The following PLCE1 variants were observed in gnomAD, a reference collection of about 807,000 sequenced individuals.
PLCE1 encodes the protein 1-phosphatidylinositol 4,5-bisphosphate phosphodiesterase epsilon-1.
Under a neutral mutation model 242.8 loss-of-function variants are expected in PLCE1, and 119 were observed. The ratio of observed to expected loss-of-function variants is 0.49; its 90% CI spans 0.42 to 0.57. The LOEUF (loss-of-function observed/expected upper bound fraction) is 0.57. Among genes scored for constraint, PLCE1 ranks in the 20% least tolerant of loss-of-function variants. PLCE1 has a pLI of 0.00. For synonymous variants in PLCE1, 945 were observed against 1,017.4 expected (o/e 0.93, Z 1.35); for missense variants, 2,441 against 2,788.8 (o/e 0.88, Z 2.81).
In PLCE1 at chr10:94,304,560, G is replaced by A; in HGVS notation, c.5537G>A (p.Trp1846Ter). The A allele has an allele frequency of 6.2e-7, 1 of 1,613,470 alleles. No individual in the cohort carries two copies. The highest frequency in any genetic ancestry group is 8.5e-7 in the Non-Finnish European group (1 of 1,179,456). Residue 1846 changes from tryptophan (W) to a stop codon, truncating the protein, a stop_gained, in exon 25 of 33, where the codon TGG (tryptophan) becomes TAG (stop). Coordinates refer to ENST00000371380, the MANE Select transcript of PLCE1 (RefSeq NM_016341.4). LOFTEE classifies it high-confidence loss of function. The part of the protein sequence containing the change: ...CGYVLKPPVL[W>*]DKNCPMYQKF... Reference sequence around the variant, plus strand: ...TATGTATTGAAACCTCCAGTTCTGTGGGACAAGAACTGCCCCATGTATCAG... The same window carrying A: ...TATGTATTGAAACCTCCAGTTCTGTAGGACAAGAACTGCCCCATGTATCAG...
intron 2 of PLCE1, among the ~76,000 whole-genome samples, chr10:94,064,875 C>A (rs2044156389): frequency 6.6e-6 from 1 of 152,072 alleles, no homozygotes; most frequent in Non-Finnish European, 1.5e-5. Flanking sequence ...CCTGGCAGAG[C>A]CCTGAGCAAT....
At chr10:94,293,352 A>G (rs575472193) in intron 22 of PLCE1, among the ~76,000 whole-genome samples, 156 bp from the exon 23 acceptor site, 1 of 152,316 alleles carries the variant, frequency 6.6e-6, no homozygotes, top group South Asian at 2.1e-4. Context: ...ATTGCCTACA[A>G]TGCTATTATT....
chr10:94,126,345 T>C (rs2046435858), intron 2 of PLCE1, among the ~76,000 whole-genome samples: 1 of 152,212 alleles, frequency 6.6e-6, no homozygotes, highest in Admixed American at 6.5e-5. Context: ...ATAACAACTT[T>C]GACTCCTTTC....
chr10:94,246,163 T>C lies in PLCE1; in HGVS notation c.2638T>C (p.Cys880Arg), dbSNP rs1346951131. The C allele has an allele frequency of 5.6e-6, 9 of 1,614,004 alleles. No individual in the cohort carries two copies. Among genetic ancestry groups the C allele is most frequent in the Non-Finnish European group, 6.8e-6 (8 of 1,180,014 alleles). The change falls in exon 8 of 33, where the codon TGC becomes CGC. Residue 880 changes from cysteine (C) to arginine (R), a missense_variant. Transcript: ENST00000371380. Reference sequence around the variant, plus strand: ...CCAGGACACACACCTCTCTGCCCGCTGCTTCCTCCAGCTTCAGCCCGACAA... The same window carrying C: ...CCAGGACACACACCTCTCTGCCCGCCGCTTCCTCCAGCTTCAGCCCGACAA... Reference protein sequence around the residue: ...YDQDTHLSARCFLQLQPDNST... With the variant: ...YDQDTHLSARRFLQLQPDNST...
chr10:94,101,830 T>A (rs1266412852), intron 2 of PLCE1, among the ~76,000 whole-genome samples: 1 of 152,174 alleles, frequency 6.6e-6, no homozygotes, highest in African/African-American at 2.4e-5. Flanking sequence ...TTTGTAGAGC[T>A]GAGTGAATGC....
At chr10:94,092,004 T>C (rs1331420149) in intron 2 of PLCE1, among the ~76,000 whole-genome samples, 2 of 152,158 alleles carry the variant, frequency 1.3e-5, no homozygotes, top group Non-Finnish European at 2.9e-5. Flanking sequence ...CCATAGAAGG[T>C]ACAGGGAGGT....
At chr10:94,099,441 C>T (rs913144067) in intron 2 of PLCE1, among the ~76,000 whole-genome samples, 2 of 152,202 alleles carry the variant, frequency 1.3e-5, no homozygotes, top group African/African-American at 4.8e-5. Flanking sequence ...AGTTTGCATA[C>T]ATTTACCTAC....
intron 1 of PLCE1, among the ~76,000 whole-genome samples, chr10:94,013,650 G>A (rs1415450234): frequency 6.6e-6 from 1 of 152,188 alleles, no homozygotes; most frequent in Admixed American, 6.5e-5. Flanking sequence ...GGAAATTCTA[G>A]TTCTAGTCTG....
intron 2 of PLCE1, chr10:94,108,993 G>A (rs1235809181): frequency 1.2e-4 from 19 of 152,136 alleles, no homozygotes. Flanking sequence ...TCAATGACTT[G>A]TCCTAAGGTG....
At chr10:94,324,792 GCT>G in intron 31 of PLCE1, 98 bp from the exon 32 acceptor site, 1 of 1,250,344 alleles carries the variant, frequency 8.0e-7, no homozygotes, top group Non-Finnish European at 1.2e-6. Context: ...TCTCTCCAAA[GCT>G]CTAGAGAGAA....
At chr10:94,148,749 A>G (rs1305504124) in intron 3 of PLCE1, among the ~76,000 whole-genome samples, 1 of 152,220 alleles carries the variant, frequency 6.6e-6, no homozygotes, top group Non-Finnish European at 1.5e-5. Context: ...GGCTATACAG[A>G]CACACAGAAA....
At chr10:94,165,433 C>T (rs1216750299) in intron 3 of PLCE1, among the ~76,000 whole-genome samples, 1 of 152,160 alleles carries the variant, frequency 6.6e-6, no homozygotes, top group Non-Finnish European at 1.5e-5. Flanking sequence ...CCGAGCCAGG[C>T]GTGGGATACA....
At chr10:93,996,420 A>C (rs916670813) in intron 1 of PLCE1, among the ~76,000 whole-genome samples, 4 of 152,180 alleles carry the variant, frequency 2.6e-5, no homozygotes, top group South Asian at 2.1e-4. Context: ...GTGATTAGGA[A>C]ACATGGTGCT....
chr10:94,048,878 C>T (rs563890532), intron 2 of PLCE1, among the ~76,000 whole-genome samples: 1 of 151,470 alleles, frequency 6.6e-6, no homozygotes, highest in Admixed American at 6.6e-5. Flanking sequence ...AAAGATCCTC[C>T]CTACTTCAGC....
At chr10:94,184,304 C>T (rs1202611992) in intron 4 of PLCE1, among the ~76,000 whole-genome samples, 2 of 152,154 alleles carry the variant, frequency 1.3e-5, no homozygotes, top group African/African-American at 4.8e-5. Context: ...GGTTTTGCTC[C>T]TGCCTACTTC....
At chr10:94,175,529 A>G (rs1480227032) in intron 4 of PLCE1, among the ~76,000 whole-genome samples, 2 of 152,192 alleles carry the variant, frequency 1.3e-5, no homozygotes, top group African/African-American at 4.8e-5. Flanking sequence ...TAAATAGGGT[A>G]TCCATCATCT....
rs191848524 is a variant in PLCE1, at chr10:94,222,262, A to G, written c.1810-5044A>G. Among the ~76,000 whole-genome samples the G allele has an allele frequency of 2.8e-3, 434 of 152,340 alleles. 2 individuals are homozygous for G. Among genetic ancestry groups the G allele is most frequent in the African/African-American group, 9.8e-3 (408 of 41,588 alleles). The stretch of plus-strand genomic sequence containing the variant: ...CTCAAGGTCCTACATTAAGTCAAAG[A>G]GAAGTAGGAAGAAATGGAATGAAAG... On this transcript the variant is annotated intron_variant, in intron 4 of 32. Coordinates refer to ENST00000371380, the MANE Select transcript of PLCE1 (RefSeq NM_016341.4).
intron 4 of PLCE1, among the ~76,000 whole-genome samples, chr10:94,218,977 T>G (rs982888074): frequency 6.8e-6 from 1 of 147,628 alleles, no homozygotes; most frequent in African/African-American, 2.5e-5. Flanking sequence ...ATATAATTAA[T>G]TATAGTTATA....
chr10:94,270,394 CAATT>C, intron 17 of PLCE1, 88 bp from the exon 18 acceptor site: 2 of 862,302 alleles, frequency 2.3e-6, no homozygotes, highest in South Asian at 2.6e-5. Context: ...CTGCATGTAA[CAATT>C]GAGATGCTTT....
Sources: gnomAD v4.1 joint callset for allele counts (sites outside exome capture counted in the v4.1 genomes callset) on GRCh38, gnomAD v4.1.1 for gene constraint, MANE v1.5 for transcripts, NCBI Gene and HGNC (gene_info 2026-07-23, HGNC 2026-07-21) for gene names.